The following ANGPTL2 variants were observed in gnomAD, a reference collection of about 807,000 sequenced individuals.
ANGPTL2 encodes the protein angiopoietin-related protein 2.
A neutral mutation model predicts 52.8 loss-of-function variants in ANGPTL2; 25 were observed. The observed-to-expected ratio is 0.47, with a 90% CI of 0.35 to 0.66. ANGPTL2 has a LOEUF of 0.66. Among genes scored for constraint, ANGPTL2 ranks in the 30% least tolerant of loss-of-function variants. ANGPTL2 has a pLI of 0.01. For missense variants in ANGPTL2, 546 were observed against 656.9 expected, an observed-to-expected ratio of 0.83 and a Z score of 1.84; for synonymous variants, 276 against 277.4, an observed-to-expected ratio of 1.00 and a Z score of 0.05.
chr9:127,109,782 C>T (rs2054615304), intron 1 of ANGPTL2, among the ~76,000 whole-genome samples: 1 of 152,190 alleles, frequency 6.6e-6, no homozygotes, highest in African/African-American at 2.4e-5. Flanking sequence ...TCCCAAATGC[C>T]AGAAAGCACA....
At chr9:127,089,200 T>C in intron 4 of ANGPTL2, 62 bp from the exon 5 acceptor site, 2 of 1,563,428 alleles carry the variant, frequency 1.3e-6, no homozygotes, top group South Asian at 1.1e-5. Flanking sequence ...GCGTCCATAG[T>C]GCTCAGGGCT....
At chr9:127,106,238 CTTTG>C (rs1362840367) in intron 2 of ANGPTL2, among the ~76,000 whole-genome samples, 2 of 141,590 alleles carry the variant, frequency 1.4e-5, no homozygotes, top group Non-Finnish European at 3.2e-5. Context: ...TCAACTGAGC[CTTTG>C]TTTGGTGCCC....
At position 127,098,458 on chromosome 9, in the gene ANGPTL2, G is replaced by A. The variant is rs184016199; in HGVS notation, c.818-4532C>T. Among the ~76,000 whole-genome samples, 7 of 152,178 alleles carry A rather than the reference G, an allele frequency of 4.6e-5. No individual in the cohort carries two copies. The East Asian group carries it at 5.8e-4, about 13-fold the overall frequency. Reference sequence around the variant, plus strand: ...GGGGAGCTGTGGCCAAATGTTCCACGTGAAGAGAAATGCAGCCCCGTGGCT... The same window carrying A: ...GGGGAGCTGTGGCCAAATGTTCCACATGAAGAGAAATGCAGCCCCGTGGCT... On this transcript the variant is annotated intron_variant, in intron 2 of 4. Transcript: ENST00000373425.
chr9:127,094,058 C>A, intron 2 of ANGPTL2, 132 bp from the exon 3 acceptor site: 1 of 1,012,104 alleles, frequency 9.9e-7, no homozygotes, highest in Non-Finnish European at 1.4e-6. Context: ...CTGAGGTAAC[C>A]AATTTTTGTT....
At chr9:127,120,017 G>T (rs1312402429) in intron 1 of ANGPTL2, among the ~76,000 whole-genome samples, 2 of 152,168 alleles carry the variant, frequency 1.3e-5, no homozygotes, top group African/African-American at 4.8e-5. Context: ...AACCTCAGGG[G>T]GCCACAGCAC....
At chr9:127,093,583 C>T (rs113921651) in intron 3 of ANGPTL2, 150 bp downstream of exon 3, 100 of 935,376 alleles carry the variant, frequency 1.1e-4, no homozygotes, top group Non-Finnish European at 1.5e-4. Flanking sequence ...GCATCCTTCT[C>T]GCCTCAGGTA....
At chr9:127,113,165 A>G (rs1481545056) in intron 1 of ANGPTL2, among the ~76,000 whole-genome samples, 1 of 152,142 alleles carries the variant, frequency 6.6e-6, no homozygotes, top group Non-Finnish European at 1.5e-5. Flanking sequence ...GTCCCAGGTA[A>G]TCCGGTGGGT....
chr9:127,114,930 C>G (rs1454215541), intron 1 of ANGPTL2, among the ~76,000 whole-genome samples: 1 of 152,184 alleles, frequency 6.6e-6, no homozygotes, highest in Non-Finnish European at 1.5e-5. Context: ...GGTGTTCCTA[C>G]TAAGCTGTTG....
At chr9:127,103,765 T>C (rs1184032395) in intron 2 of ANGPTL2, among the ~76,000 whole-genome samples, 1 of 152,168 alleles carries the variant, frequency 6.6e-6, no homozygotes. Flanking sequence ...TGGAACGTGG[T>C]ACCAGGAAGT....
chr9:127,108,369 C>G lies in ANGPTL2; in HGVS notation c.363G>C (p.Lys121Asn), dbSNP rs1239576613. Residue 121 changes from lysine (K) to asparagine (N), a missense_variant, in exon 2 of 5, where the codon AAG becomes AAC. Coordinates refer to ENST00000373425, the MANE Select transcript of ANGPTL2 (RefSeq NM_012098.3). ...TGTTGCGGCTCTCCTTGCGCAGCAGCTTCACCTCGCTCACAATGCCGCCGT... is the reference window on the plus strand; with the variant it reads ...TGTTGCGGCTCTCCTTGCGCAGCAGGTTCACCTCGCTCACAATGCCGCCGT... Reference protein sequence around the residue: ...EVDGGIVSEVKLLRKESRNMN... With the variant: ...EVDGGIVSEVNLLRKESRNMN... 6.2e-7 allele frequency: 1 copy of G among 1,610,656 alleles called. No individual in the cohort carries two copies. The highest frequency in any genetic ancestry group is 2.2e-5 in the East Asian group (1 of 44,726).
At chr9:127,089,502 T>G (rs1299459572) in intron 4 of ANGPTL2, among the ~76,000 whole-genome samples, 1 of 152,140 alleles carries the variant, frequency 6.6e-6, no homozygotes, top group African/African-American at 2.4e-5. Context: ...CCAAGGGAAC[T>G]CCACACCTTG....
intron 2 of ANGPTL2, among the ~76,000 whole-genome samples, chr9:127,095,576 C>T (rs531649185): frequency 9.2e-5 from 14 of 152,304 alleles, no homozygotes; most frequent in South Asian, 2.1e-4. Context: ...AGGGTGGGGC[C>T]GCTCTGACGC....
At chr9:127,108,835 G>T in intron 1 of ANGPTL2, 55 bp from the exon 2 acceptor site, 2 of 1,235,414 alleles carry the variant, frequency 1.6e-6, no homozygotes, top group Non-Finnish European at 2.2e-6. Context: ...TCAGTGCCCT[G>T]TGCCATCAGT....
chr9:127,093,435 G>A (rs538049645), intron 3 of ANGPTL2, among the ~76,000 whole-genome samples: 62 of 152,250 alleles, frequency 4.1e-4, no homozygotes, highest in Admixed American at 9.2e-4. Flanking sequence ...CCATACCAGC[G>A]TTTCTAAACT....
rs1387559005 is a variant in ANGPTL2, at chr9:127,108,530, C to A, written c.202G>T (p.Ala68Ser). Residue 68 changes from alanine (A) to serine (S), a missense_variant, in exon 2 of 5, where the codon GCC (alanine) becomes TCC (serine). Physicochemically the swap from Ala to Ser is moderately conservative, Grantham distance 99. Transcript: ENST00000373425. ...GGCTCCTTGGAGTTGACGCAGATGGCACCCGTGACCCGCTGCTGGGGCACA... is the reference window on the plus strand; with the variant it reads ...GGCTCCTTGGAGTTGACGCAGATGGAACCCGTGACCCGCTGCTGGGGCACA... ...FIVPQQRVTG[A>S]ICVNSKEPEV... The A allele has an allele frequency of 1.2e-6, 2 of 1,613,116 alleles. No homozygotes were observed. The highest frequency in any genetic ancestry group is 1.7e-6 in the Non-Finnish European group (2 of 1,179,774).
At chr9:127,089,549 G>A (rs760358352) in intron 4 of ANGPTL2, among the ~76,000 whole-genome samples, 1 of 152,188 alleles carries the variant, frequency 6.6e-6, no homozygotes, top group South Asian at 2.1e-4. Context: ...TGAGGTGGGC[G>A]GGGAGGGAGA....
At chr9:127,094,013 G>C in intron 2 of ANGPTL2, 87 bp from the exon 3 acceptor site, 7 of 1,472,212 alleles carry the variant, frequency 4.8e-6, no homozygotes, top group Non-Finnish European at 6.5e-6. Context: ...CACAACCTCT[G>C]TTGAGGCTCC....
At chr9:127,112,322 ACAATGGGGAG>A (rs1454086100) in intron 1 of ANGPTL2, among the ~76,000 whole-genome samples, 9 of 152,194 alleles carry the variant, frequency 5.9e-5, no homozygotes, top group Admixed American at 2.0e-4. Context: ...CCACCCCAGA[ACAATGGGGAG>A]GAGCCGCCCC....
chr9:127,115,700 TACTC>T (rs2055339066), intron 1 of ANGPTL2, among the ~76,000 whole-genome samples: 1 of 152,246 alleles, frequency 6.6e-6, no homozygotes, highest in African/African-American at 2.4e-5. Flanking sequence ...GCTTGCATGT[TACTC>T]ACTGTTGACT....
Sources: allele counts gnomAD v4.1 joint callset (sites outside exome capture counted in the v4.1 genomes callset), GRCh38; gene constraint gnomAD v4.1.1; transcripts MANE v1.5; gene names NCBI Gene and HGNC (gene_info 2026-07-23, HGNC 2026-07-21).